Variants in IL31RA observed in about 807,000 individuals in gnomAD.
The protein encoded by IL31RA is interleukin 31 receptor A, also known as interleukin-31 receptor subunit alpha.
IL31RA carries 66 observed loss-of-function variants against 83.7 expected under a neutral mutation model. The observed-to-expected ratio is 0.79, with a 90% CI of 0.65 to 0.97. IL31RA has a LOEUF of 0.97. Ranked by LOEUF, IL31RA falls within the 50% of genes least tolerant of loss-of-function variation. The probability of loss-of-function intolerance (pLI) is 0.00; values close to 1 mark genes in which losing one functional copy is unlikely to be tolerated. For missense variants in IL31RA, 798 were observed against 919.4 expected (o/e 0.87, Z 1.71); for synonymous variants, 325 against 329.0 (o/e 0.99, Z 0.13).
Position 55,917,046 on chromosome 5 carries a change from T to C in IL31RA, c.2221T>C (p.Leu741=). 3 of 1,614,218 alleles carry C rather than the reference T, an allele frequency of 1.9e-6. No individual in the cohort carries two copies. Among genetic ancestry groups the C allele is most frequent in the Non-Finnish European group, 2.5e-6 (3 of 1,180,044 alleles). ...TGAGGAAGGAGCCCCAAATCCATAT[T>C]TGAAAAATTCAGTGACAGCCAGGGA... The part of the protein sequence containing the change: ...LCEEGAPNPY[L]KNSVTAREFL... Residue 741 remains leucine, a synonymous_variant, in exon 15 of 15, where the codon TTG becomes CTG. Coordinates refer to ENST00000652347, the MANE Select transcript of IL31RA (RefSeq NM_139017.7).
At position 55,900,010 on chromosome 5, in the gene IL31RA, C is replaced by G; in HGVS notation, c.947C>G (p.Thr316Ser). ...SNTNLTETMN[T>S]TNQQLELHLG... ...ACTAACCTCACAGAAACAATGAACA[C>G]TACTAACCAGCAGCTTGAACTGCAT... Residue 316 changes from threonine (T) to serine (S), a missense_variant, in exon 8 of 15, where the codon ACT becomes AGT. By Grantham distance (58) the Thr-to-Ser change is moderately conservative. Coordinates refer to ENST00000652347, the MANE Select transcript of IL31RA (RefSeq NM_139017.7). 1.9e-6 allele frequency: 3 copies of G among 1,613,892 alleles called. No homozygotes were observed. Among genetic ancestry groups the G allele is most frequent in the Non-Finnish European group, 2.5e-6 (3 of 1,179,744 alleles).
Position 55,851,630 on chromosome 5 carries a change from CATTGTGAGT to C in IL31RA, c.63+2_63+10del, listed in dbSNP as rs769795818. 1.2e-5 allele frequency: 20 copies of C among 1,613,724 alleles called. No individual in the cohort carries two copies. The highest frequency in any genetic ancestry group is 1.6e-4 in the Middle Eastern group (1 of 6,076). The stretch of plus-strand genomic sequence containing the variant: ...CATGTGTCTGTGAATGTCCGCAAAA[CATTGTGAGT>C]ATTGATTTGGGGGGTTACAAATAAT... On this transcript the variant is annotated splice_donor_variant and splice_donor_5th_base_variant and coding_sequence_variant and intron_variant, in exon 1 of 15. Coordinates refer to ENST00000652347, the MANE Select transcript of IL31RA (RefSeq NM_139017.7). LOFTEE classifies it high-confidence loss of function.
In IL31RA at chr5:55,916,768, T is replaced by C. The variant is rs1045539821; in HGVS notation, c.1943T>C (p.Leu648Pro). ...DKLVVNFGNV[L>P]QEIFTDEART... The stretch of plus-strand genomic sequence containing the variant: ...TTGGTGGTGAACTTTGGGAATGTTC[T>C]GCAAGAAATTTTCACAGATGAAGCC... The change falls in exon 15 of 15, where the codon CTG (leucine) becomes CCG (proline). Residue 648 changes from leucine to proline, a missense_variant. By Grantham distance (98) the Leu-to-Pro change is moderately conservative (BLOSUM62 -3). Coordinates refer to ENST00000652347, the MANE Select transcript of IL31RA (RefSeq NM_139017.7). 1.9e-6 allele frequency: 3 copies of C among 1,614,210 alleles called. No homozygotes were observed. The African/African-American group carries it at 4.0e-5, about 22-fold the overall frequency.
At chr5:55,849,665 A>AT (rs1200813531), upstream of IL31RA, among the ~76,000 whole-genome samples, 1 of 151,930 alleles carries the variant, frequency 6.6e-6, no homozygotes, top group Non-Finnish European at 1.5e-5. Context: ...CCCTCCATGT[A>AT]TTTTTTCATT....
chr5:55,900,676 C>G (rs888979281), intron 8 of IL31RA, among the ~76,000 whole-genome samples: 4 of 152,140 alleles, frequency 2.6e-5, no homozygotes, highest in Non-Finnish European at 4.4e-5. Context: ...TATTACTGCT[C>G]CCAGGCAAAC....
At chr5:55,893,803 G>A (rs1424985565) in intron 6 of IL31RA, among the ~76,000 whole-genome samples, 1 of 144,572 alleles carries the variant, frequency 6.9e-6, no homozygotes, top group East Asian at 2.0e-4. Flanking sequence ...GGCTGCCTAT[G>A]AGATAATTTT....
chr5:55,874,570 A>G (rs1327582963), intron 4 of IL31RA, among the ~76,000 whole-genome samples: 2 of 152,126 alleles, frequency 1.3e-5, no homozygotes, highest in Non-Finnish European at 2.9e-5. Flanking sequence ...TACAGTTTCC[A>G]GTGCAGAAGT....
intron 7 of IL31RA, among the ~76,000 whole-genome samples, chr5:55,899,311 G>A (rs1748661468): frequency 6.6e-6 from 1 of 152,158 alleles, no homozygotes; most frequent in Non-Finnish European, 1.5e-5. Context: ...TGGTGAGTGG[G>A]CCCAAGTTCA....
At chr5:55,864,745 A>G (rs1265901997) in intron 2 of IL31RA, among the ~76,000 whole-genome samples, 4 of 151,118 alleles carry the variant, frequency 2.6e-5, no homozygotes, top group Non-Finnish European at 5.9e-5. Flanking sequence ...CACACACTAC[A>G]CACACACCAC....
upstream of IL31RA, among the ~76,000 whole-genome samples, chr5:55,846,665 C>T (rs868297471): frequency 1.3e-5 from 2 of 151,730 alleles, no homozygotes; most frequent in African/African-American, 2.4e-5. Flanking sequence ...AGCTTGGTGT[C>T]GTGCGCCTGT....
rs70995742 is a variant in IL31RA, at chr5:55,867,304, CGTGTGT to C, written c.155-1479_155-1474del. 2.5e-5 allele frequency among the ~76,000 whole-genome samples: 3 copies of C among 118,258 alleles called. 1 individual carries two copies. The highest frequency in any genetic ancestry group is 2.6e-4 in the South Asian group (1 of 3,814). 77.6% of individuals were successfully genotyped at this position (118,258 alleles called of 152,430 possible). ...ATGTGTGTGTGCATGTGTGTGTGTG[CGTGTGT>C]GTGTGTGCGTGTGTGTGTGTGTGTG... On this transcript the variant is annotated intron_variant, in intron 2 of 14. Transcript: ENST00000652347.
chr5:55,892,690 T>A (rs1359259275), intron 6 of IL31RA, among the ~76,000 whole-genome samples: 1 of 152,224 alleles, frequency 6.6e-6, no homozygotes, highest in African/African-American at 2.4e-5. Flanking sequence ...TGGCTGTCAC[T>A]CTTCTTTCTA....
chr5:55,882,136 G>A (rs1388822350), intron 4 of IL31RA, among the ~76,000 whole-genome samples: 2 of 152,162 alleles, frequency 1.3e-5, no homozygotes, highest in Non-Finnish European at 2.9e-5. Flanking sequence ...GCGTGACAAT[G>A]GTCTGAGCAT....
At chr5:55,906,029 A>G (rs980089073) in intron 8 of IL31RA, 77 bp from the exon 9 acceptor site, 10 of 1,428,350 alleles carry the variant, frequency 7.0e-6, no homozygotes, top group Admixed American at 6.7e-5. Flanking sequence ...AGCTGAGGCA[A>G]TGAGGATGCC....
chr5:55,874,401 A>G (rs1040308134), intron 4 of IL31RA, among the ~76,000 whole-genome samples: 1 of 152,052 alleles, frequency 6.6e-6, no homozygotes, highest in Non-Finnish European at 1.5e-5. Context: ...TTGCATTTCC[A>G]TATAATATTT....
chr5:55,882,972 A>T, intron 4 of IL31RA, 72 bp from the exon 5 acceptor site: 4 of 1,440,742 alleles, frequency 2.8e-6, no homozygotes, highest in Admixed American at 3.4e-5. Context: ...TTTTTTTTCA[A>T]TTTTGGGTGG....
the IL31RA span, chr5:55,840,078 G>A: frequency 2.8e-6 from 1 of 351,620 alleles, no homozygotes; most frequent in East Asian, 5.8e-5. Flanking sequence ...ACTTCGGCAG[G>A]GCTAAAAAGA....
At chr5:55,858,305 G>T (rs1056315117) in intron 1 of IL31RA, among the ~76,000 whole-genome samples, 96 of 152,150 alleles carry the variant, frequency 6.3e-4, no homozygotes, top group African/African-American at 2.2e-3. Context: ...AATAATGTGA[G>T]CTAGGACTAA....
intron 4 of IL31RA, among the ~76,000 whole-genome samples, chr5:55,881,848 G>T (rs1394408314): frequency 6.7e-6 from 1 of 150,352 alleles, no homozygotes; most frequent in Non-Finnish European, 1.5e-5. Flanking sequence ...GAGTAGCTGG[G>T]ATTATTGGCG....
Sources: allele counts gnomAD v4.1 joint callset (sites outside exome capture counted in the v4.1 genomes callset), GRCh38; gene constraint gnomAD v4.1.1; transcripts MANE v1.5; gene names NCBI Gene and HGNC (gene_info 2026-07-23, HGNC 2026-07-21).